The following CALCR variants were observed in gnomAD, a reference collection of about 807,000 sequenced individuals.
CALCR encodes calcitonin receptor.
In CALCR, 47 loss-of-function variants were observed where a neutral mutation model predicts 59.5. That is an observed-to-expected ratio of 0.79 (90% CI 0.63 to 1.01). CALCR has a LOEUF of 1.01. Ranked by LOEUF, CALCR falls within the 50% of genes least tolerant of loss-of-function variation. CALCR has a pLI of 0.00. For synonymous variants in CALCR, 213 were observed against 211.3 expected, an observed-to-expected ratio of 1.01 and a Z score of -0.07; for missense variants, 566 against 597.1, an observed-to-expected ratio of 0.95 and a Z score of 0.54.
intron 5 of CALCR, among the ~76,000 whole-genome samples, chr7:93,474,573 A>C (rs1271468077): frequency 6.6e-6 from 1 of 151,772 alleles, no homozygotes; most frequent in Non-Finnish European, 1.5e-5. Context: ...AGGTTGAATT[A>C]AATAACATAG....
intron 8 of CALCR, among the ~76,000 whole-genome samples, chr7:93,456,730 G>C (rs933737730): frequency 6.6e-6 from 1 of 152,102 alleles, no homozygotes; most frequent in African/African-American, 2.4e-5. Context: ...AAGTCTGTTA[G>C]GTTAAAAATA....
intron 2 of CALCR, among the ~76,000 whole-genome samples, chr7:93,488,594 A>G (rs1380553507): frequency 2.0e-5 from 3 of 148,930 alleles, no homozygotes; most frequent in Admixed American, 1.3e-4. Flanking sequence ...AAAAAAAAAA[A>G]AAAAAAAGCA....
intron 8 of CALCR, among the ~76,000 whole-genome samples, chr7:93,452,629 GTTTGA>G (rs1800133248): frequency 6.6e-6 from 1 of 151,976 alleles, no homozygotes; most frequent in Admixed American, 6.6e-5. Flanking sequence ...GAGAAAATGA[GTTTGA>G]GTTTATGGAA....
chr7:93,442,226 T>A (rs1412256282), intron 9 of CALCR, among the ~76,000 whole-genome samples: 1 of 152,188 alleles, frequency 6.6e-6, no homozygotes, highest in Admixed American at 6.5e-5. Flanking sequence ...TTCCATGAGA[T>A]ACGCTAGATT....
intron 2 of CALCR, among the ~76,000 whole-genome samples, chr7:93,535,939 T>G (rs1400541128): frequency 1.3e-5 from 2 of 151,832 alleles, no homozygotes; most frequent in Non-Finnish European, 2.9e-5. Flanking sequence ...AAAATATATT[T>G]GAAATAGTGT....
intron 2 of CALCR, among the ~76,000 whole-genome samples, chr7:93,539,415 C>A (rs1789072567): frequency 6.6e-6 from 1 of 151,796 alleles, no homozygotes; most frequent in South Asian, 2.1e-4. Context: ...TGTTTAGTTA[C>A]CAGTTGCTCA....
chr7:93,462,510 T>C (rs1800357850), intron 7 of CALCR, among the ~76,000 whole-genome samples: 1 of 152,138 alleles, frequency 6.6e-6, no homozygotes, highest in South Asian at 2.1e-4. Flanking sequence ...ACTGCTGCAA[T>C]CAGCACAGTT....
intron 5 of CALCR, among the ~76,000 whole-genome samples, chr7:93,472,991 A>G (rs560522172): frequency 6.6e-6 from 1 of 151,924 alleles, no homozygotes; most frequent in Admixed American, 6.6e-5. Context: ...TCCCAATCCC[A>G]TATGGTTAAA....
intron 2 of CALCR, among the ~76,000 whole-genome samples, chr7:93,525,411 A>C (rs1801856178): frequency 6.6e-6 from 1 of 152,154 alleles, no homozygotes; most frequent in Non-Finnish European, 1.5e-5. Context: ...ATTTCTCAGT[A>C]CTATGTTCAA....
At chr7:93,496,300 T>C (rs1292056429) in intron 2 of CALCR, among the ~76,000 whole-genome samples, 1 of 151,490 alleles carries the variant, frequency 6.6e-6, no homozygotes, top group Non-Finnish European at 1.5e-5. Flanking sequence ...CTCTAATTTT[T>C]CTGTACGAAA....
chr7:93,493,987 A>G (rs573016176), intron 2 of CALCR, among the ~76,000 whole-genome samples: 1 of 151,516 alleles, frequency 6.6e-6, no homozygotes, highest in East Asian at 1.9e-4. Context: ...CAAAGAAGTC[A>G]TAGACATACA....
At chr7:93,571,451 C>T (rs1790002403) in intron 2 of CALCR, among the ~76,000 whole-genome samples, 1 of 151,878 alleles carries the variant, frequency 6.6e-6, no homozygotes, top group South Asian at 2.1e-4. Context: ...TACCCAAATG[C>T]TTTACAAATA....
chr7:93,467,214 A>T (rs1027429113), intron 7 of CALCR, among the ~76,000 whole-genome samples: 3 of 151,840 alleles, frequency 2.0e-5, no homozygotes, highest in African/African-American at 7.2e-5. Context: ...CTGTATTCTG[A>T]TCATTATCAT....
intron 2 of CALCR, among the ~76,000 whole-genome samples, chr7:93,494,665 T>G (rs117545395): frequency 0.018 from 2,659 of 151,480 alleles, 28 homozygotes; most frequent in Middle Eastern, 0.034. Context: ...GGTTAAACAA[T>G]GCCTTGTAGA....
At chr7:93,498,421 T>C (rs959758842) in intron 2 of CALCR, among the ~76,000 whole-genome samples, 2 of 151,638 alleles carry the variant, frequency 1.3e-5, no homozygotes, top group African/African-American at 4.8e-5. Context: ...TATTAATGGA[T>C]AATTGGTTAT....
intron 13 of CALCR, among the ~76,000 whole-genome samples, chr7:93,428,976 T>C (rs1395893994): frequency 6.6e-6 from 1 of 152,208 alleles, no homozygotes; most frequent in Non-Finnish European, 1.5e-5. Flanking sequence ...ACCTGTCCTT[T>C]TAAAATAACT....
At chr7:93,530,940 T>C (rs190551945) in intron 2 of CALCR, among the ~76,000 whole-genome samples, 4 of 152,164 alleles carry the variant, frequency 2.6e-5, no homozygotes, top group Admixed American at 2.6e-4. Flanking sequence ...CCAGACCTAC[T>C]GAACCAGAAA....
chr7:93,481,667 C>T (rs1158183616), intron 3 of CALCR, among the ~76,000 whole-genome samples: 1 of 151,798 alleles, frequency 6.6e-6, no homozygotes, highest in Non-Finnish European at 1.5e-5. Context: ...AGGGTGAATA[C>T]TTATCATTAT....
intron 3 of CALCR, among the ~76,000 whole-genome samples, chr7:93,484,818 C>G (rs931119518): frequency 2.0e-5 from 3 of 151,840 alleles, no homozygotes; most frequent in African/African-American, 7.2e-5. Flanking sequence ...AGCATCGTCA[C>G]TGGCATCTTT....
Sources: allele counts gnomAD v4.1 joint callset (sites outside exome capture counted in the v4.1 genomes callset), GRCh38; gene constraint gnomAD v4.1.1; transcripts MANE v1.5; gene names NCBI Gene and HGNC (gene_info 2026-07-23, HGNC 2026-07-21).